The following TNS1 variants were observed in gnomAD, a reference collection of about 807,000 sequenced individuals.
The protein encoded by TNS1 is tensin 1, also known as tensin-1.
A neutral mutation model predicts 168.6 loss-of-function variants in TNS1; 62 were observed. The observed-to-expected ratio is 0.37, with a 90% CI of 0.30 to 0.45. TNS1 has a LOEUF of 0.45. TNS1 is among the 20% of genes least tolerant of loss of function. The pLI, the probability that TNS1 is intolerant of heterozygous loss-of-function variation, is 1.00. For synonymous variants in TNS1, 934 were observed against 933.2 expected, an observed-to-expected ratio of 1.00 and a Z score of -0.02; for missense variants, 2,240 against 2,339.4, an observed-to-expected ratio of 0.96 and a Z score of 0.88.
intron 3 of TNS1, among the ~76,000 whole-genome samples, chr2:217,933,090 C>T (rs188730478): frequency 2.0e-5 from 3 of 152,280 alleles, no homozygotes; most frequent in Admixed American, 2.0e-4. Context: ...AGGCTTGACG[C>T]ACAGCCAGCA....
In TNS1 at chr2:217,848,705, G is replaced by T. The variant is rs373984284; in HGVS notation, c.1812C>A (p.His604Gln). Residue 604 changes from histidine to glutamine, a missense_variant, in exon 19 of 33, where the codon CAC becomes CAA. By Grantham distance (24) the His-to-Gln change is conservative. Transcript: ENST00000682258. ...TGACATGAACCTGGGCTGGGACAAC[G>T]TGGCGTCCAGAGGAGGGCACAGCCG... ...GGSAVPSSGR[H>Q]VVPAQVHVNG... 1 of 1,614,214 alleles carries T rather than the reference G, an allele frequency of 6.2e-7. No individual in the cohort carries two copies. The highest frequency in any genetic ancestry group is 1.1e-5 in the South Asian group (1 of 91,084).
At chr2:217,817,623 T>C in intron 24 of TNS1, 67 bp downstream of exon 24, 2 of 1,346,700 alleles carry the variant, frequency 1.5e-6, no homozygotes, top group Non-Finnish European at 2.0e-6. Flanking sequence ...GACACTGGGA[T>C]AGATATTTCA....
In TNS1 at chr2:218,009,614, C is replaced by G. The variant is rs1559411258; in HGVS notation, c.96+486G>C. 2.0e-5 allele frequency among the ~76,000 whole-genome samples: 3 copies of G among 152,076 alleles called. No individual in the cohort carries two copies. The South Asian group carries it at 6.2e-4, about 32-fold the overall frequency. On this transcript the variant is annotated intron_variant, in intron 1 of 32. Coordinates refer to the TNS1 transcript ENST00000646520. ...CATCCTGAATAAGTGGGAAATCCCT[C>G]CTGCCGTCCCCCAGCCACCCCATTC...
chr2:217,955,576 C>T (rs923494788), intron 3 of TNS1, among the ~76,000 whole-genome samples: 12 of 152,220 alleles, frequency 7.9e-5, no homozygotes, highest in African/African-American at 2.9e-4. Flanking sequence ...TGTACTGCCT[C>T]AGGCACCAAG....
At chr2:217,966,430 T>C (rs1466470876) in intron 3 of TNS1, among the ~76,000 whole-genome samples, 1 of 152,130 alleles carries the variant, frequency 6.6e-6, no homozygotes, top group East Asian at 1.9e-4. Flanking sequence ...CCCCAAAACC[T>C]ACCTCATCCT....
In TNS1 at chr2:218,030,945, G is replaced by A. The variant is rs190478577; in HGVS notation, c.156+2875C>T. On this transcript the variant is annotated intron_variant, in intron 1 of 1. Transcript: ENST00000649572. Reference sequence around the variant, plus strand: ...TATGAGTGTGTGAGCATAAGTATGAGTGTGTATGTGTGTGAGCATGTGTGT... The same window carrying A: ...TATGAGTGTGTGAGCATAAGTATGAATGTGTATGTGTGTGAGCATGTGTGT... Among the ~76,000 whole-genome samples the A allele has an allele frequency of 9.2e-3, 1,393 of 152,016 alleles. 8 individuals are homozygous for A. Among genetic ancestry groups the A allele is most frequent in the Non-Finnish European group, 0.014 (946 of 67,796 alleles).
At chr2:217,998,989 T>C (rs1958515522) in intron 1 of TNS1, among the ~76,000 whole-genome samples, 1 of 152,008 alleles carries the variant, frequency 6.6e-6, no homozygotes, top group African/African-American at 2.4e-5. Flanking sequence ...TAATAATCCG[T>C]GAAAAGGATG....
At chr2:218,016,987 C>T (rs1191233863) in intron 1 of TNS1, among the ~76,000 whole-genome samples, 2 of 152,120 alleles carry the variant, frequency 1.3e-5, no homozygotes, top group African/African-American at 4.8e-5. Flanking sequence ...AGCTGGCCAG[C>T]CAGGGAAACT....
chr2:218,014,805 CCTGCAGG>C (rs1273409352), upstream of TNS1, among the ~76,000 whole-genome samples: 8 of 151,520 alleles, frequency 5.3e-5, no homozygotes, highest in African/African-American at 1.9e-4. Context: ...TAGCATGGTA[CCTGCAGG>C]TGGCCCATAA....
chr2:217,970,716 G>C (rs985671579), intron 3 of TNS1, among the ~76,000 whole-genome samples: 1 of 152,120 alleles, frequency 6.6e-6, no homozygotes, highest in Non-Finnish European at 1.5e-5. Context: ...GGGTGAGGTC[G>C]GGGAGAGATA....
intron 2 of TNS1, among the ~76,000 whole-genome samples, chr2:217,983,907 G>A (rs1311091726): frequency 2.6e-5 from 4 of 152,242 alleles, no homozygotes; most frequent in Admixed American, 1.3e-4. Flanking sequence ...TATTCTGGAT[G>A]TTTCTGAGAA....
upstream of TNS1, among the ~76,000 whole-genome samples, chr2:218,004,374 C>T (rs74555097): frequency 5.3e-5 from 8 of 152,134 alleles, no homozygotes; most frequent in East Asian, 7.7e-4. Flanking sequence ...TGCCTCCCCC[C>T]CCCACTCACC....
chr2:217,819,417 A>G (rs1942466308), intron 23 of TNS1, among the ~76,000 whole-genome samples: 1 of 152,206 alleles, frequency 6.6e-6, no homozygotes, highest in African/African-American at 2.4e-5. Context: ...TGTCATTAGG[A>G]GCATTTAAGC....
chr2:217,987,512 C>T (rs550588397), intron 2 of TNS1, among the ~76,000 whole-genome samples: 3 of 152,254 alleles, frequency 2.0e-5, no homozygotes, highest in East Asian at 1.9e-4. Context: ...GGGAGGAAAA[C>T]GGAAGGGCGG....
At chr2:217,923,363 G>A (rs927290149) in intron 3 of TNS1, among the ~76,000 whole-genome samples, 2 of 152,086 alleles carry the variant, frequency 1.3e-5, no homozygotes, top group African/African-American at 4.8e-5. Context: ...AATCACAGCA[G>A]CAAATAAACT....
At chr2:217,810,175 G>A (rs1024537441) in intron 29 of TNS1, 73 bp downstream of exon 29, 51 of 1,554,024 alleles carry the variant, frequency 3.3e-5, no homozygotes, top group Admixed American at 2.7e-4. Flanking sequence ...CAGCCTGCAC[G>A]TGCAGGAGGG....
chr2:217,884,147 G>GTGGATGGA (rs562041033), intron 16 of TNS1, among the ~76,000 whole-genome samples: 146 of 119,664 alleles, frequency 1.2e-3, no homozygotes, highest in South Asian at 2.3e-3. Flanking sequence ...GGGTGGGTGG[G>GTGGATGGA]TGGATGGATG....
At chr2:217,896,053 ACTT>A (rs1432628466) in intron 8 of TNS1, among the ~76,000 whole-genome samples, 1 of 152,246 alleles carries the variant, frequency 6.6e-6, no homozygotes, top group African/African-American at 2.4e-5. Flanking sequence ...TGTCTTAAGG[ACTT>A]TACATCTAAC....
intron 3 of TNS1, among the ~76,000 whole-genome samples, chr2:217,944,924 T>G (rs1559381387): frequency 6.6e-6 from 1 of 152,218 alleles, no homozygotes; most frequent in Non-Finnish European, 1.5e-5. Flanking sequence ...GATAGGATTA[T>G]TTAGAAAGGA....
Sources: allele counts gnomAD v4.1 joint callset (sites outside exome capture counted in the v4.1 genomes callset), GRCh38; gene constraint gnomAD v4.1.1; transcripts MANE v1.5; gene names NCBI Gene and HGNC (gene_info 2026-07-23, HGNC 2026-07-21).